The following GLI3 variants were observed in gnomAD, a reference collection of about 807,000 sequenced individuals.
GLI3 encodes GLI family zinc finger 3, also known as transcription activator GLI3.
GLI3 carries 20 observed loss-of-function variants against 100.8 expected under a neutral mutation model. The observed-to-expected ratio is 0.20, with a 90% CI of 0.14 to 0.29. The LOEUF (loss-of-function observed/expected upper bound fraction) is 0.29, where lower values mean the gene tolerates loss of function less well. Among genes scored for constraint, GLI3 ranks in the 10% least tolerant of loss-of-function variants. The probability of loss-of-function intolerance (pLI) is 1.00; values close to 1 mark genes in which losing one functional copy is unlikely to be tolerated. For synonymous variants in GLI3, 938 were observed against 860.5 expected (o/e 1.09, Z -1.58); for missense variants, 2,040 against 2,128.5 (o/e 0.96, Z 0.82).
intron 2 of GLI3, among the ~76,000 whole-genome samples, chr7:42,220,055 C>T (rs942445339): frequency 9.2e-5 from 14 of 151,998 alleles, no homozygotes; most frequent in African/African-American, 2.4e-4. Context: ...GGTTTCACCG[C>T]GTTAGCCAGG....
At chr7:42,048,425 C>T (rs551827134) in intron 5 of GLI3, 66 bp downstream of exon 5, 73 of 1,058,296 alleles carry the variant, frequency 6.9e-5, no homozygotes, top group East Asian at 4.2e-4. Context: ...ACTTTATACA[C>T]GTCCCGAGTG....
At chr7:42,051,335 C>A (rs1784347750) in intron 4 of GLI3, among the ~76,000 whole-genome samples, 1 of 152,156 alleles carries the variant, frequency 6.6e-6, no homozygotes, top group Non-Finnish European at 1.5e-5. Flanking sequence ...CTTAAAGGTC[C>A]AATGGGGAAG....
At chr7:42,227,087 C>A (rs1788595132) in intron 1 of GLI3, among the ~76,000 whole-genome samples, 2 of 152,200 alleles carry the variant, frequency 1.3e-5, no homozygotes, top group African/African-American at 4.8e-5. Context: ...ACGTTAAGTT[C>A]TGCTTCACTT....
intron 10 of GLI3, among the ~76,000 whole-genome samples, chr7:42,011,140 T>C (rs1788601548): frequency 6.6e-6 from 1 of 152,218 alleles, no homozygotes; most frequent in African/African-American, 2.4e-5. Flanking sequence ...ATGTGGCCAC[T>C]GTAGATGTAT....
intron 3 of GLI3, among the ~76,000 whole-genome samples, chr7:42,090,298 G>A (rs1785190519): frequency 6.6e-6 from 1 of 152,132 alleles, no homozygotes; most frequent in African/African-American, 2.4e-5. Context: ...CACTTAGGCT[G>A]CACTAAATTT....
intron 2 of GLI3, among the ~76,000 whole-genome samples, chr7:42,207,277 G>A (rs1373100168): frequency 6.6e-6 from 1 of 152,190 alleles, no homozygotes; most frequent in Admixed American, 6.5e-5. Flanking sequence ...CAGCAGTAGC[G>A]TGGATCAACA....
At chr7:42,115,065 A>G (rs1475586332) in intron 3 of GLI3, among the ~76,000 whole-genome samples, 4 of 151,834 alleles carry the variant, frequency 2.6e-5, no homozygotes, top group Non-Finnish European at 5.9e-5. Context: ...AAGAGAGAAA[A>G]GGGAAAAAAA....
chr7:42,092,226 G>A (rs1043026843), intron 3 of GLI3, among the ~76,000 whole-genome samples: 2 of 152,294 alleles, frequency 1.3e-5, no homozygotes, highest in South Asian at 4.1e-4. Context: ...AATGCAAGTG[G>A]ATAAAGTCAT....
chr7:42,072,975 T>C (rs1784812562), intron 4 of GLI3, among the ~76,000 whole-genome samples: 2 of 152,190 alleles, frequency 1.3e-5, no homozygotes, highest in African/African-American at 4.8e-5. Flanking sequence ...CAGTGGAGAA[T>C]AACTTTCCGA....
intron 2 of GLI3, among the ~76,000 whole-genome samples, chr7:42,192,599 C>G (rs1306228474): frequency 1.3e-5 from 2 of 152,066 alleles, no homozygotes; most frequent in African/African-American, 2.4e-5. Context: ...AAAAAAGAAC[C>G]AAAGAGAGAT....
intron 3 of GLI3, among the ~76,000 whole-genome samples, chr7:42,099,719 C>A (rs919592854): frequency 6.6e-6 from 1 of 152,160 alleles, no homozygotes; most frequent in African/African-American, 2.4e-5. Flanking sequence ...TTTGTAGAGA[C>A]AGAGTCTTGC....
At chr7:42,189,884 T>A (rs993346364) in intron 2 of GLI3, among the ~76,000 whole-genome samples, 7 of 151,876 alleles carry the variant, frequency 4.6e-5, no homozygotes, top group Non-Finnish European at 8.8e-5. Flanking sequence ...AAATCTATCA[T>A]CATCTAATAT....
At chr7:42,091,821 T>C (rs1177772958) in intron 3 of GLI3, among the ~76,000 whole-genome samples, 5 of 152,162 alleles carry the variant, frequency 3.3e-5, no homozygotes, top group African/African-American at 9.7e-5. Flanking sequence ...GGCCAAACTG[T>C]TTTCCTTCCC....
At chr7:42,032,390 C>A (rs1176749568) in intron 7 of GLI3, among the ~76,000 whole-genome samples, 2 of 152,028 alleles carry the variant, frequency 1.3e-5, no homozygotes, top group Non-Finnish European at 2.9e-5. Context: ...TGTACAGAAA[C>A]CCTTGTGATC....
intron 2 of GLI3, among the ~76,000 whole-genome samples, chr7:42,207,720 A>T (rs1181534003): frequency 1.3e-5 from 2 of 152,232 alleles, no homozygotes; most frequent in Non-Finnish European, 2.9e-5. Flanking sequence ...TGATCCTAGC[A>T]TATGGTTACC....
chr7:42,032,911 C>A (rs1045839813), intron 7 of GLI3, among the ~76,000 whole-genome samples: 5 of 152,188 alleles, frequency 3.3e-5, no homozygotes, highest in Non-Finnish European at 7.3e-5. Flanking sequence ...CCTAACATAA[C>A]AGCTTTTCCT....
At chr7:42,230,248 G>T (rs1788672569) in intron 1 of GLI3, among the ~76,000 whole-genome samples, 1 of 151,996 alleles carries the variant, frequency 6.6e-6, no homozygotes, top group South Asian at 2.1e-4. Context: ...CTCCAAATAG[G>T]AAAGCTTCTA....
At chr7:42,209,290 A>T (rs1788217082) in intron 2 of GLI3, among the ~76,000 whole-genome samples, 1 of 152,032 alleles carries the variant, frequency 6.6e-6, no homozygotes, top group Non-Finnish European at 1.5e-5. Context: ...GCCTCAAGCA[A>T]TCCTCCTTCC....
intron 1 of GLI3, among the ~76,000 whole-genome samples, chr7:42,236,016 G>A (rs990513723): frequency 6.6e-6 from 1 of 151,956 alleles, no homozygotes; most frequent in African/African-American, 2.4e-5. Context: ...GGGTCAGGCA[G>A]GGAAGCCTGG....
Sources: gnomAD v4.1 joint callset for allele counts (sites outside exome capture counted in the v4.1 genomes callset) on GRCh38, gnomAD v4.1.1 for gene constraint, MANE v1.5 for transcripts, NCBI Gene and HGNC (gene_info 2026-07-23, HGNC 2026-07-21) for gene names.